The following SLC9A2 variants were observed in gnomAD, a reference collection of about 807,000 sequenced individuals.
The protein encoded by SLC9A2 is solute carrier family 9 member A2.
Under a neutral mutation model 71.7 loss-of-function variants are expected in SLC9A2, and 42 were observed. The observed-to-expected ratio is 0.59, with a 90% CI of 0.46 to 0.76. The LOEUF is 0.76. Ranked by LOEUF, SLC9A2 falls within the 30% of genes least tolerant of loss-of-function variation. SLC9A2 has a pLI of 0.00. For synonymous variants in SLC9A2, 396 were observed against 392.5 expected, an observed-to-expected ratio of 1.01 and a Z score of -0.10; for missense variants, 829 against 1,017.4, an observed-to-expected ratio of 0.81 and a Z score of 2.52.
Position 102,704,529 on chromosome 2 carries a change from A to G in SLC9A2, c.1846-15A>G. 1.9e-6 allele frequency: 3 copies of G among 1,609,474 alleles called. No homozygotes were observed. Among genetic ancestry groups the G allele is most frequent in the Non-Finnish European group, 2.5e-6 (3 of 1,177,058 alleles). ...GTTTTTGTTTTTTAATGTCCTCTAT[A>G]TGTTTTCATTCCAGACTTTATCCTA... On this transcript the variant is annotated splice_polypyrimidine_tract_variant and intron_variant, in intron 9 of 11. Transcript: ENST00000233969.
Position 102,658,065 on chromosome 2 carries a change from G to T in SLC9A2, c.753+38G>T, listed in dbSNP as rs191826623. ...CACACTGCATGACTCCAACAGGTGG[G>T]GGCTGCCCAGCCACCTGCAGTGGCT... On this transcript the variant is annotated intron_variant, in intron 2 of 11. Coordinates refer to ENST00000233969, the MANE Select transcript of SLC9A2 (RefSeq NM_003048.6). 840 of 1,493,520 alleles carry T rather than the reference G, an allele frequency of 5.6e-4. 6 individuals are homozygous for T. In the African/African-American group the frequency reaches 0.01, roughly 18 times the overall value. 92.5% of individuals were successfully genotyped at this position (1,493,520 alleles called of 1,614,324 possible).
chr2:102,638,569 T>C (rs1676514828), intron 1 of SLC9A2, among the ~76,000 whole-genome samples: 1 of 152,228 alleles, frequency 6.6e-6, no homozygotes, highest in African/African-American at 2.4e-5. Flanking sequence ...GTAAACTCTG[T>C]GGGTACATCA....
intron 1 of SLC9A2, among the ~76,000 whole-genome samples, chr2:102,643,615 AT>A (rs1335465451): frequency 2.0e-5 from 3 of 152,266 alleles, no homozygotes; most frequent in African/African-American, 7.2e-5. Context: ...TCCAGCCAGC[AT>A]TTCTTCTGCT....
rs567325013 is a variant in SLC9A2, at chr2:102,704,637, A to G, written c.1939A>G (p.Ser647Gly). ...LIRRRHSLRE[S>G]IRKDSSLNRE... Reference sequence around the variant, plus strand: ...TCGCCGGCGACACAGTTTGCGAGAAAGCATTAGGAAGGACAGCAGCTTGAA... The same window carrying G: ...TCGCCGGCGACACAGTTTGCGAGAAGGCATTAGGAAGGACAGCAGCTTGAA... The change falls in exon 10 of 12, where the codon AGC (serine) becomes GGC (glycine). Residue 647 changes from serine to glycine, a missense_variant. By Grantham distance (56) the Ser-to-Gly change is moderately conservative. Transcript: ENST00000233969. 3.3e-5 allele frequency: 54 copies of G among 1,613,286 alleles called. No individual in the cohort carries two copies. Among genetic ancestry groups the G allele is most frequent in the Non-Finnish European group, 4.6e-5 (54 of 1,179,518 alleles).
At chr2:102,695,149 C>T (rs1573432615) in intron 7 of SLC9A2, 36 bp downstream of exon 7, 1 of 1,441,492 alleles carries the variant, frequency 6.9e-7, no homozygotes, top group South Asian at 1.2e-5. Flanking sequence ...TATGAAGTGG[C>T]CCAGGGTCAT....
Position 102,619,817 on chromosome 2 carries a change from G to A in SLC9A2, c.-32G>A, listed in dbSNP as rs2104490842. The A allele has an allele frequency of 2.1e-6, 3 of 1,460,928 alleles. No individual in the cohort carries two copies. Among genetic ancestry groups the A allele is most frequent in the Non-Finnish European group, 2.7e-6 (3 of 1,108,696 alleles). The allele number at this position is 1,460,928 out of a possible 1,614,324, so 90.5% of individuals were successfully genotyped here. A position where few individuals can be genotyped will look rare whatever the true frequency, so the allele number is the denominator to read the frequency against. The stretch of plus-strand genomic sequence containing the variant: ...GCGTTGAGCGCTCGGAGGGCCAACC[G>A]CCGGTCCCCTTGGCGGCAACCGGCG... On this transcript the variant is annotated 5_prime_UTR_variant, in exon 1 of 12. Transcript: ENST00000233969. This position sits in a 1 kb window ranked among gnomAD's most constrained non-coding sequence, Gnocchi z 4.3.
At chr2:102,677,751 TG>T (rs1317620271) in intron 3 of SLC9A2, among the ~76,000 whole-genome samples, 1 of 152,214 alleles carries the variant, frequency 6.6e-6, no homozygotes, top group Non-Finnish European at 1.5e-5. Context: ...CCAGTTTGGT[TG>T]GGGAGATAGA....
intron 1 of SLC9A2, among the ~76,000 whole-genome samples, chr2:102,631,058 A>G (rs1676344944): frequency 6.6e-6 from 1 of 151,996 alleles, no homozygotes; most frequent in Admixed American, 6.6e-5. Context: ...GTTCTTACAA[A>G]ATGGTTTGGA....
rs1350648441 is a variant in SLC9A2, at chr2:102,620,118, G to A, written c.270G>A (p.Leu90=). ...IPFEITLWIL[L]ASLAKIGFHL... ...TCGAGATCACCCTTTGGATCCTGCT[G>A]GCCTCCCTGGCCAAGATTGGTGAGC... The change falls in exon 1 of 12, where the codon CTG becomes CTA. Residue 90 remains leucine (L), a synonymous_variant. Transcript: ENST00000233969. The A allele has an allele frequency of 6.2e-7, 1 of 1,605,782 alleles. No individual in the cohort carries two copies. The highest frequency in any genetic ancestry group is 2.2e-5 in the East Asian group (1 of 44,562).
At chr2:102,670,515 A>T (rs905665273) in intron 3 of SLC9A2, among the ~76,000 whole-genome samples, 1 of 148,768 alleles carries the variant, frequency 6.7e-6, no homozygotes, top group African/African-American at 2.5e-5. Flanking sequence ...TGGCTGTCAG[A>T]TGACTCAGTG....
chr2:102,692,959 A>G (rs1288731610), intron 5 of SLC9A2, among the ~76,000 whole-genome samples: 1 of 151,908 alleles, frequency 6.6e-6, no homozygotes, highest in Non-Finnish European at 1.5e-5. Flanking sequence ...TAGTATATCT[A>G]TGCATATTTA....
intron 5 of SLC9A2, among the ~76,000 whole-genome samples, chr2:102,691,899 G>T (rs1321463023): frequency 6.6e-6 from 1 of 152,138 alleles, no homozygotes; most frequent in African/African-American, 2.4e-5. Flanking sequence ...ACAAAGACTC[G>T]TGACTCACCT....
rs1676838907 is a variant in SLC9A2, at chr2:102,651,724, C to T, written c.290-5840C>T. ...TTTCCCACACTAGCCTGCAGCTCTC[C>T]AGTGCAGAGGTTTTGTTTAACACAT... On this transcript the variant is annotated intron_variant, in intron 1 of 11. Coordinates refer to ENST00000233969, the MANE Select transcript of SLC9A2 (RefSeq NM_003048.6). Among the ~76,000 whole-genome samples the T allele has an allele frequency of 2.0e-5, 3 of 152,226 alleles. No individual in the cohort carries two copies. In the South Asian group the frequency reaches 6.2e-4, roughly 32 times the overall value.
Position 102,708,139 on chromosome 2 carries a change from G to A in SLC9A2, c.2089G>A (p.Asp697Asn). The A allele has an allele frequency of 6.2e-7, 1 of 1,613,284 alleles. No individual in the cohort carries two copies. The highest frequency in any genetic ancestry group is 8.5e-7 in the Non-Finnish European group (1 of 1,179,736). ...SIADGNSSDS[D>N]ADAGTTVLNL... ...GATAGATGGCAATAGCAGCGACTCA[G>A]ACGCAGATGCCGGGACCACCGTGCT... The change falls in exon 12 of 12, where the codon GAC (aspartate) becomes AAC (asparagine). Residue 697 changes from aspartate to asparagine, a missense_variant. Physicochemically the swap from Asp to Asn is conservative, Grantham distance 23. Transcript: ENST00000233969.
In SLC9A2 at chr2:102,640,699, T is replaced by C. The variant is rs558192687; in HGVS notation, c.290-16865T>C. 2.0e-5 allele frequency among the ~76,000 whole-genome samples: 3 copies of C among 152,250 alleles called. No individual in the cohort carries two copies. In the South Asian group the frequency reaches 6.2e-4, roughly 32 times the overall value. ...GCTCCCAACCTCATCATTTAGGGTC[T>C]TCATGGAGGGCCCATTAGATAGGTG... On this transcript the variant is annotated intron_variant, in intron 1 of 11. Transcript: ENST00000233969.
intron 1 of SLC9A2, among the ~76,000 whole-genome samples, chr2:102,624,403 C>T (rs1300584356): frequency 2.6e-5 from 4 of 152,110 alleles, no homozygotes; most frequent in African/African-American, 9.7e-5. Flanking sequence ...GTTCTACGAC[C>T]TGGAATAATG....
In SLC9A2 at chr2:102,691,111, T is replaced by G. The variant is rs938643067; in HGVS notation, c.1426-3303T>G. Among the ~76,000 whole-genome samples, 5 of 152,300 alleles carry G rather than the reference T, an allele frequency of 3.3e-5. No individual in the cohort carries two copies. The South Asian group carries it at 1.0e-3, about 32-fold the overall frequency. On this transcript the variant is annotated intron_variant, in intron 5 of 11. Transcript: ENST00000233969. The stretch of plus-strand genomic sequence containing the variant: ...GGAGGAAAGCAGAGATGGAACAAGA[T>G]GCAAAACCAATAATTCTCCCCGTTC...
chr2:102,672,145 T>C (rs1319281595), intron 3 of SLC9A2, among the ~76,000 whole-genome samples: 1 of 152,058 alleles, frequency 6.6e-6, no homozygotes, highest in Admixed American at 6.6e-5. Context: ...TTTAAAAATA[T>C]ATAGCAGATT....
intron 1 of SLC9A2, among the ~76,000 whole-genome samples, chr2:102,641,395 C>G (rs1306763352): frequency 1.3e-5 from 2 of 152,004 alleles, no homozygotes; most frequent in Non-Finnish European, 2.9e-5. Flanking sequence ...ACACATCACC[C>G]TTTCCCTCTT....
Sources: allele counts gnomAD v4.1 joint callset (sites outside exome capture counted in the v4.1 genomes callset), GRCh38; gene constraint gnomAD v4.1.1; non-coding constraint Gnocchi (gnomAD v3.1); transcripts MANE v1.5; gene names NCBI Gene and HGNC (gene_info 2026-07-23, HGNC 2026-07-21).